ZHX2: variants seen among roughly 807,000 people sequenced by gnomAD.
The protein encoded by ZHX2 is zinc fingers and homeoboxes 2.
A neutral mutation model predicts 21.9 loss-of-function variants in ZHX2; 6 were observed. The observed-to-expected ratio is 0.27, with a 90% CI of 0.15 to 0.54. The LOEUF (loss-of-function observed/expected upper bound fraction) is 0.54. Ranked by LOEUF, ZHX2 falls within the 20% of genes least tolerant of loss-of-function variation. The pLI, the probability that ZHX2 is intolerant of heterozygous loss-of-function variation, is 0.95. For synonymous variants in ZHX2, 434 were observed against 437.1 expected (o/e 0.99, Z 0.09); for missense variants, 908 against 1,090.7 (o/e 0.83, Z 2.36).
chr8:122,826,664 G>C (rs753288090), intron 1 of ZHX2, among the ~76,000 whole-genome samples: 1 of 152,160 alleles, frequency 6.6e-6, no homozygotes, highest in African/African-American at 2.4e-5. Context: ...CACAGCGCAC[G>C]GCACTGCTCT....
At chr8:122,785,686 C>T (rs960115299) in intron 1 of ZHX2, among the ~76,000 whole-genome samples, 3 of 152,086 alleles carry the variant, frequency 2.0e-5, no homozygotes, top group Non-Finnish European at 2.9e-5. Context: ...GTAAGGCAGA[C>T]GGGGTGAAAG....
In ZHX2 at chr8:122,945,252, GGCTCATACTCAT is replaced by G. The variant is rs149319821; in HGVS notation, c.-219-6039_-219-6028del. Among the ~76,000 whole-genome samples the G allele has an allele frequency of 2.7e-3, 404 of 152,098 alleles. 2 individuals are homozygous for G. The highest frequency in any genetic ancestry group is 9.3e-3 in the African/African-American group (386 of 41,456). On this transcript the variant is annotated intron_variant, in intron 2 of 3. Transcript: ENST00000314393. ...CACCCCCAGCTGTCCACAGGGTTCT[GGCTCATACTCAT>G]ACTCAGTAAGCAAGGGTCTAATTGA...
intron 2 of ZHX2, among the ~76,000 whole-genome samples, chr8:122,909,331 G>C (rs529014551): frequency 6.6e-6 from 1 of 152,076 alleles, no homozygotes; most frequent in South Asian, 2.1e-4. Flanking sequence ...TACTAAGGAG[G>C]CTGAGGCAGG....
chr8:122,787,525 G>A (rs913226159), intron 1 of ZHX2, among the ~76,000 whole-genome samples: 4 of 152,180 alleles, frequency 2.6e-5, no homozygotes, highest in Non-Finnish European at 5.9e-5. Context: ...ATGGAATAGC[G>A]GGAAGCCCAC....
chr8:122,965,001 CTAATTGAGTT>C (rs1399249635), intron 3 of ZHX2, among the ~76,000 whole-genome samples: 1 of 137,904 alleles, frequency 7.3e-6, no homozygotes, highest in Non-Finnish European at 1.6e-5. Context: ...TATTTTGTTT[CTAATTGAGTT>C]TATTTGGATC....
chr8:122,915,329 G>T (rs1003329974), intron 2 of ZHX2, among the ~76,000 whole-genome samples: 7 of 152,126 alleles, frequency 4.6e-5, no homozygotes, highest in Non-Finnish European at 7.4e-5. Context: ...TATAAGAGTG[G>T]ATGTCCCTTT....
At position 122,811,225 on chromosome 8, in the gene ZHX2, A is replaced by G. The variant is rs537615568; in HGVS notation, c.-283+29279A>G. Among the ~76,000 whole-genome samples, 358 of 152,114 alleles carry G rather than the reference A, an allele frequency of 2.4e-3. 1 individual carries two copies. The highest frequency in any genetic ancestry group is 2.8e-3 in the Non-Finnish European group (189 of 67,984). ...CGAAACCCTATCACTACAAAAAAAT[A>G]CAAAAATAGCTGGGCGTAGTGGCAC... On this transcript the variant is annotated intron_variant, in intron 1 of 3. Transcript: ENST00000314393.
intron 1 of ZHX2, among the ~76,000 whole-genome samples, chr8:122,794,137 A>G (rs1586574457): frequency 1.3e-5 from 2 of 152,182 alleles, no homozygotes; most frequent in East Asian, 3.8e-4. Context: ...TGGTTGCTCA[A>G]TTAATAGTTG....
chr8:122,820,059 A>G (rs1044575472), intron 1 of ZHX2, among the ~76,000 whole-genome samples: 1 of 152,186 alleles, frequency 6.6e-6, no homozygotes, highest in Non-Finnish European at 1.5e-5. Context: ...GATGGAAACA[A>G]TTGAAAACCA....
chr8:122,834,154 G>A (rs1025003378), intron 1 of ZHX2, among the ~76,000 whole-genome samples: 2 of 152,132 alleles, frequency 1.3e-5, no homozygotes, highest in Non-Finnish European at 2.9e-5. Context: ...TAGGTTGCCC[G>A]GTATTAATTC....
At chr8:122,942,528 A>G (rs193142786) in intron 2 of ZHX2, among the ~76,000 whole-genome samples, 7 of 152,294 alleles carry the variant, frequency 4.6e-5, no homozygotes, top group Admixed American at 4.6e-4. Flanking sequence ...CCCTGGGCTC[A>G]GAGCACTGCT....
intron 2 of ZHX2, among the ~76,000 whole-genome samples, chr8:122,865,788 G>T (rs888105151): frequency 3.3e-5 from 5 of 152,212 alleles, no homozygotes; most frequent in Non-Finnish European, 7.4e-5. Flanking sequence ...CCAGGTTAAG[G>T]CCCAATGATG....
At chr8:122,788,772 T>A in intron 1 of ZHX2, among the ~76,000 whole-genome samples, 1 of 152,162 alleles carries the variant, frequency 6.6e-6, no homozygotes. Context: ...CGGTTTTAGA[T>A]CGTGCTTTGG....
chr8:122,796,540 A>G (rs1357102849), intron 1 of ZHX2, among the ~76,000 whole-genome samples: 2 of 152,214 alleles, frequency 1.3e-5, no homozygotes, highest in African/African-American at 2.4e-5. Flanking sequence ...TAAGTAATAG[A>G]ATAGCAGACC....
chr8:122,860,533 C>T lies in ZHX2; in HGVS notation c.-282-2944C>T, dbSNP rs566638764. On this transcript the variant is annotated intron_variant, in intron 1 of 3. Transcript: ENST00000314393. ...CACAATCCTAGTGATGATTATAGCA[C>T]AGTTAAAATGGCATGCTAAATTTTG... Among the ~76,000 whole-genome samples, 3 of 152,274 alleles carry T rather than the reference C, an allele frequency of 2.0e-5. No individual in the cohort carries two copies. In the East Asian group the frequency reaches 5.8e-4, roughly 29 times the overall value.
At chr8:122,862,692 A>G (rs1819196196) in intron 1 of ZHX2, among the ~76,000 whole-genome samples, 1 of 152,222 alleles carries the variant, frequency 6.6e-6, no homozygotes, top group Non-Finnish European at 1.5e-5. Context: ...GAATGGATGA[A>G]AAGAGAAAGC....
intron 3 of ZHX2, among the ~76,000 whole-genome samples, chr8:122,964,910 T>C (rs1482101981): frequency 6.6e-6 from 1 of 152,068 alleles, no homozygotes; most frequent in Non-Finnish European, 1.5e-5. Context: ...TCCTCTAGGT[T>C]TTCTAGTTTA....
At chr8:122,928,438 G>A (rs1244847963) in intron 2 of ZHX2, among the ~76,000 whole-genome samples, 1 of 152,194 alleles carries the variant, frequency 6.6e-6, no homozygotes, top group African/African-American at 2.4e-5. Context: ...GGAGAAGAGT[G>A]TGTGAGGTTT....
At position 122,793,939 on chromosome 8, in the gene ZHX2, A is replaced by G. The variant is rs115655936; in HGVS notation, c.-283+11993A>G. ...TGCTGGCACACCCTGAGTGTGGGCC[A>G]TCTGTGCTATAGGGTCCTCTGTTGG... On this transcript the variant is annotated intron_variant, in intron 1 of 3. Transcript: ENST00000314393. Among the ~76,000 whole-genome samples the G allele has an allele frequency of 7.7e-4, 118 of 152,296 alleles. 2 individuals are homozygous for G. Among genetic ancestry groups the G allele is most frequent in the African/African-American group, 2.5e-3 (104 of 41,554 alleles).
Sources: allele counts gnomAD v4.1 joint callset (sites outside exome capture counted in the v4.1 genomes callset), GRCh38; gene constraint gnomAD v4.1.1; transcripts MANE v1.5; gene names NCBI Gene and HGNC (gene_info 2026-07-23, HGNC 2026-07-21).